CAMK4: variants seen among roughly 807,000 people sequenced by gnomAD.
The protein encoded by CAMK4 is calcium/calmodulin dependent protein kinase IV, also known as calcium/calmodulin-dependent protein kinase type IV.
CAMK4 carries 22 observed loss-of-function variants against 44.9 expected under a neutral mutation model. The ratio of observed to expected loss-of-function variants is 0.49; its 90% CI spans 0.35 to 0.70. The LOEUF (loss-of-function observed/expected upper bound fraction) is 0.70. Ranked by LOEUF, CAMK4 falls within the 30% of genes least tolerant of loss-of-function variation. CAMK4 has a pLI of 0.01. For synonymous variants in CAMK4, 218 were observed against 215.4 expected (o/e 1.01, Z -0.11); for missense variants, 498 against 586.8 (o/e 0.85, Z 1.56).
chr5:111,478,860 T>G (rs1390948743), intron 9 of CAMK4, among the ~76,000 whole-genome samples: 3 of 152,128 alleles, frequency 2.0e-5, no homozygotes, highest in Non-Finnish European at 4.4e-5. Flanking sequence ...TGCCTAGAAT[T>G]TAGATGTACT....
At chr5:111,349,249 T>C (rs1186309975) in intron 2 of CAMK4, among the ~76,000 whole-genome samples, 1 of 152,050 alleles carries the variant, frequency 6.6e-6, no homozygotes, top group East Asian at 1.9e-4. Flanking sequence ...GTATATATTG[T>C]CTAATTTGCT....
intron 1 of CAMK4, among the ~76,000 whole-genome samples, chr5:111,268,515 C>T (rs1750361235): frequency 1.3e-5 from 2 of 152,164 alleles, no homozygotes; most frequent in South Asian, 4.1e-4. Flanking sequence ...GTGTAAACTG[C>T]TACTTTGTAC....
At chr5:111,279,735 T>A (rs1452874745) in intron 1 of CAMK4, among the ~76,000 whole-genome samples, 2 of 152,062 alleles carry the variant, frequency 1.3e-5, no homozygotes, top group East Asian at 1.9e-4. Context: ...TGTGTGTATG[T>A]GCCTGCTGTG....
chr5:111,371,343 T>C (rs1043831818), intron 2 of CAMK4, among the ~76,000 whole-genome samples: 2 of 152,190 alleles, frequency 1.3e-5, no homozygotes, highest in Non-Finnish European at 1.5e-5. Flanking sequence ...CCCACTGTTT[T>C]AATATTAGCA....
At chr5:111,284,709 G>A (rs375011434) in intron 1 of CAMK4, among the ~76,000 whole-genome samples, 75 of 152,300 alleles carry the variant, frequency 4.9e-4, no homozygotes, top group African/African-American at 1.6e-3. Flanking sequence ...ATCCGAGAGC[G>A]TTATTGCTTC....
intron 1 of CAMK4, among the ~76,000 whole-genome samples, chr5:111,241,407 C>T (rs545664769): frequency 6.6e-6 from 1 of 152,046 alleles, no homozygotes; most frequent in Admixed American, 6.5e-5. Flanking sequence ...GGAAGAATAC[C>T]ACAAAAATGA....
At position 111,443,243 on chromosome 5, in the gene CAMK4, CAT is replaced by C. The variant is rs1232548245; in HGVS notation, c.460-3407_460-3406del. Among the ~76,000 whole-genome samples the C allele has an allele frequency of 9.5e-3, 688 of 72,142 alleles. 5 individuals carry two copies. Among genetic ancestry groups the C allele is most frequent in the Non-Finnish European group, 0.013 (491 of 37,008 alleles). 47.3% of individuals were successfully genotyped at this position (72,142 alleles called of 152,430 possible). Reference sequence around the variant, plus strand: ...GATATATTTAAATGCCTCCCCCTACCATATATATATATATATATATATATATA... The same window carrying C: ...GATATATTTAAATGCCTCCCCCTACCATATATATATATATATATATATATA... On this transcript the variant is annotated intron_variant, in intron 5 of 10. Transcript: ENST00000282356.
chr5:111,324,659 G>T (rs1748799639), intron 1 of CAMK4, among the ~76,000 whole-genome samples: 1 of 151,898 alleles, frequency 6.6e-6, no homozygotes, highest in South Asian at 2.1e-4. Context: ...AAAAAATAAA[G>T]AATATATATG....
chr5:111,237,524 C>T (rs1048113727), intron 1 of CAMK4, among the ~76,000 whole-genome samples: 19 of 152,298 alleles, frequency 1.2e-4, no homozygotes, highest in African/African-American at 4.6e-4. Context: ...AAATGCATCA[C>T]CTTTAAAAAA....
intron 1 of CAMK4, among the ~76,000 whole-genome samples, chr5:111,332,219 A>T (rs1439194054): frequency 1.8e-5 from 2 of 108,964 alleles, no homozygotes; most frequent in Non-Finnish European, 3.9e-5. Context: ...TCCTAATGCT[A>T]TCCCTCCCCC....
At chr5:111,367,793 G>A (rs1366087101) in intron 2 of CAMK4, among the ~76,000 whole-genome samples, 1 of 152,108 alleles carries the variant, frequency 6.6e-6, no homozygotes, top group Non-Finnish European at 1.5e-5. Flanking sequence ...CTGGGTAGGT[G>A]AATTCCCCCT....
At chr5:111,327,925 A>G in intron 1 of CAMK4, among the ~76,000 whole-genome samples, 1 of 117,792 alleles carries the variant, frequency 8.5e-6, no homozygotes, top group Non-Finnish European at 1.7e-5. Flanking sequence ...TTGTCAGATG[A>G]GTAGGTTGCA....
intron 2 of CAMK4, among the ~76,000 whole-genome samples, chr5:111,346,444 A>G (rs1243468620): frequency 1.3e-5 from 2 of 151,466 alleles, no homozygotes; most frequent in East Asian, 3.9e-4. Context: ...TTCAGTCCTC[A>G]TTTTATGACT....
At chr5:111,400,603 ATTTCTCTGAC>A (rs1423013623) in intron 5 of CAMK4, among the ~76,000 whole-genome samples, 3 of 151,246 alleles carry the variant, frequency 2.0e-5, no homozygotes, top group African/African-American at 7.3e-5. Flanking sequence ...ATTTTACAGT[ATTTCTCTGAC>A]TTTAACCTTG....
At chr5:111,231,442 A>G (rs995096864) in intron 1 of CAMK4, among the ~76,000 whole-genome samples, 11 of 152,168 alleles carry the variant, frequency 7.2e-5, no homozygotes, top group Non-Finnish European at 1.6e-4. Context: ...CACCCTTATA[A>G]GTTGTTAAAC....
chr5:111,357,727 A>G (rs1004165105), intron 2 of CAMK4, among the ~76,000 whole-genome samples: 1 of 152,104 alleles, frequency 6.6e-6, no homozygotes, highest in Non-Finnish European at 1.5e-5. Flanking sequence ...CTCACAACTC[A>G]CCATATGTCA....
At chr5:111,252,609 G>T (rs777441001) in intron 1 of CAMK4, among the ~76,000 whole-genome samples, 2 of 152,142 alleles carry the variant, frequency 1.3e-5, no homozygotes, top group Non-Finnish European at 2.9e-5. Flanking sequence ...ACTCTACAAT[G>T]ATATTCTTAG....
chr5:111,272,209 A>C (rs908095751), intron 1 of CAMK4, among the ~76,000 whole-genome samples: 5 of 151,900 alleles, frequency 3.3e-5, no homozygotes, highest in Non-Finnish European at 7.4e-5. Context: ...TTTTGTTCCA[A>C]CTTATGATTT....
At chr5:111,381,281 C>T (rs754500791) in intron 4 of CAMK4, among the ~76,000 whole-genome samples, 149 of 152,198 alleles carry the variant, frequency 9.8e-4, no homozygotes, top group Middle Eastern at 3.4e-3. Flanking sequence ...AATTGACTCA[C>T]GCAGTCACAA....
Sources: gnomAD v4.1 joint callset for allele counts (sites outside exome capture counted in the v4.1 genomes callset) on GRCh38, gnomAD v4.1.1 for gene constraint, MANE v1.5 for transcripts, NCBI Gene and HGNC (gene_info 2026-07-23, HGNC 2026-07-21) for gene names.